The following ABLIM3 variants were observed in gnomAD, a reference collection of about 807,000 sequenced individuals.
ABLIM3 encodes actin-binding LIM protein 3.
A neutral mutation model predicts 109.5 loss-of-function variants in ABLIM3; 61 were observed. The ratio of observed to expected loss-of-function variants is 0.56; its 90% CI spans 0.45 to 0.69. The LOEUF (loss-of-function observed/expected upper bound fraction) is 0.69. Among genes scored for constraint, ABLIM3 ranks in the 30% least tolerant of loss-of-function variants. The pLI, the probability that ABLIM3 is intolerant of heterozygous loss-of-function variation, is 0.00. For synonymous variants in ABLIM3, 300 were observed against 324.8 expected (o/e 0.92, Z 0.82); for missense variants, 796 against 889.5 (o/e 0.89, Z 1.34).
At chr5:149,157,867 CAA>C (rs1441181536) in intron 2 of ABLIM3, among the ~76,000 whole-genome samples, 1 of 152,182 alleles carries the variant, frequency 6.6e-6, no homozygotes, top group African/African-American at 2.4e-5. Flanking sequence ...CAAGAACCAA[CAA>C]ACTCTCTTTT....
At chr5:149,155,182 GCTC>G (rs1753772213) in intron 2 of ABLIM3, among the ~76,000 whole-genome samples, 1 of 152,158 alleles carries the variant, frequency 6.6e-6, no homozygotes, top group Non-Finnish European at 1.5e-5. Flanking sequence ...CCTCCTCCCT[GCTC>G]CTCCTTTTTA....
intron 9 of ABLIM3, among the ~76,000 whole-genome samples, chr5:149,231,436 G>A (rs1030969176): frequency 6.6e-6 from 1 of 152,136 alleles, no homozygotes; most frequent in Non-Finnish European, 1.5e-5. Flanking sequence ...ATGGGGAATG[G>A]GGCCTTTACA....
rs1401146462 is a variant in ABLIM3 at position 149,247,884 on chromosome 5, C to T, written c.1654C>T (p.Arg552Trp). ...CCCTCCCCGGAGCTCCACCAGCAGC[C>T]GGGAAGCCCTGCACACAGCTGGCTA... ...WTPPRSSTSS[R>W]EALHTAGYEM... Residue 552 changes from arginine (R) to tryptophan (W), a missense_variant, in exon 18 of 24, where the codon CGG (arginine) becomes TGG (tryptophan). By Grantham distance (101) the Arg-to-Trp change is moderately radical (BLOSUM62 -3). Transcript: ENST00000309868. The T allele has an allele frequency of 1.9e-6, 3 of 1,614,212 alleles. No individual in the cohort carries two copies. The highest frequency in any genetic ancestry group is 1.7e-4 in the Middle Eastern group (1 of 6,060).
At chr5:149,255,445 AAAAT>A (rs1754344921) in intron 23 of ABLIM3, among the ~76,000 whole-genome samples, 2 of 152,254 alleles carry the variant, frequency 1.3e-5, no homozygotes, top group Non-Finnish European at 2.9e-5. Flanking sequence ...ACACAAAGAA[AAAAT>A]AAATGACACC....
At chr5:149,168,915 G>A (rs1337576660) in intron 2 of ABLIM3, among the ~76,000 whole-genome samples, 2 of 152,140 alleles carry the variant, frequency 1.3e-5, no homozygotes, top group Non-Finnish European at 2.9e-5. Context: ...AAAATGTAAA[G>A]CCCAATTCAG....
chr5:149,226,841 C>T (rs1269909444), intron 8 of ABLIM3, among the ~76,000 whole-genome samples: 1 of 152,038 alleles, frequency 6.6e-6, no homozygotes, highest in African/African-American at 2.4e-5. Flanking sequence ...GAGGCCGAGG[C>T]GGGCAGATCA....
intron 3 of ABLIM3, among the ~76,000 whole-genome samples, chr5:149,192,755 C>G (rs1356034624): frequency 1.3e-5 from 2 of 152,008 alleles, no homozygotes; most frequent in Non-Finnish European, 2.9e-5. Flanking sequence ...CATCAATAGC[C>G]ATTTCTACTC....
At chr5:149,189,993 A>T (rs1335377859) in intron 3 of ABLIM3, among the ~76,000 whole-genome samples, 1 of 152,252 alleles carries the variant, frequency 6.6e-6, no homozygotes, top group Non-Finnish European at 1.5e-5. Context: ...TGGATAAATA[A>T]AATGTGATCT....
intron 3 of ABLIM3, among the ~76,000 whole-genome samples, chr5:149,194,822 A>T (rs1441266023): frequency 6.6e-6 from 1 of 152,230 alleles, no homozygotes; most frequent in Non-Finnish European, 1.5e-5. Context: ...GGTATGGGAC[A>T]GAGGTGCTCT....
At chr5:149,208,984 T>G (rs529109730) in intron 6 of ABLIM3, among the ~76,000 whole-genome samples, 1 of 152,290 alleles carries the variant, frequency 6.6e-6, no homozygotes, top group South Asian at 2.1e-4. Flanking sequence ...GCCAGGGCAG[T>G]AGGGGAGTGT....
At chr5:149,193,119 G>C (rs756096126) in intron 3 of ABLIM3, among the ~76,000 whole-genome samples, 7 of 152,136 alleles carry the variant, frequency 4.6e-5, no homozygotes, top group Non-Finnish European at 8.8e-5. Context: ...AAGAAAAAAA[G>C]GATGGGATAA....
At position 149,183,507 on chromosome 5, in the gene ABLIM3, C is replaced by T; in HGVS notation, c.69C>T (p.Cys23=). The T allele has an allele frequency of 6.3e-7, 1 of 1,599,806 alleles. No individual in the cohort carries two copies. Among genetic ancestry groups the T allele is most frequent in the Admixed American group, 1.7e-5 (1 of 57,836 alleles). Residue 23 remains cysteine, a synonymous_variant, in exon 3 of 24, where the codon TGC becomes TGT. Transcript: ENST00000309868. ...NPRGSSNVIQ[C]YRCGDTCKGE... is the part of the protein sequence containing the mutation. ...GGGGCAGCTCCAATGTCATCCAGTGCTACCGCTGTGGAGACACCTGCAAAG... is the reference window on the plus strand; with the variant it reads ...GGGGCAGCTCCAATGTCATCCAGTGTTACCGCTGTGGAGACACCTGCAAAG...
At chr5:149,239,447 A>G (rs1752569155) in intron 12 of ABLIM3, among the ~76,000 whole-genome samples, 170 bp downstream of exon 12, 1 of 152,164 alleles carries the variant, frequency 6.6e-6, no homozygotes, top group Non-Finnish European at 1.5e-5. Context: ...TGGTAGTGGC[A>G]TACAGGATGG....
At chr5:149,238,952 G>T (rs573317769) in intron 11 of ABLIM3, among the ~76,000 whole-genome samples, 1 of 152,188 alleles carries the variant, frequency 6.6e-6, no homozygotes, top group Non-Finnish European at 1.5e-5. Context: ...CAGAAGCCTG[G>T]GTCCAAGTCA....
intron 3 of ABLIM3, among the ~76,000 whole-genome samples, chr5:149,184,899 G>T (rs1035007686): frequency 1.3e-5 from 2 of 152,156 alleles, no homozygotes; most frequent in East Asian, 3.8e-4. Context: ...TTTGTTTATA[G>T]ATGCATATAC....
intron 8 of ABLIM3, chr5:149,218,968 A>G (rs10041123): frequency 0.063 from 9,559 of 152,408 alleles, 923 homozygotes; most frequent in African/African-American, 0.21. Context: ...TTGGATAGCC[A>G]TCTTGAGAAG....
chr5:149,258,134 C>T (rs1043795383), intron 23 of ABLIM3, among the ~76,000 whole-genome samples, 157 bp from the exon 24 acceptor site: 1 of 152,206 alleles, frequency 6.6e-6, no homozygotes, highest in Non-Finnish European at 1.5e-5. Context: ...AACAAATATT[C>T]ATCACACATT....
intron 8 of ABLIM3, 64 bp from the exon 9 acceptor site, chr5:149,230,585 G>A: frequency 1.3e-6 from 2 of 1,549,514 alleles, no homozygotes; most frequent in Non-Finnish European, 8.9e-7. Flanking sequence ...ATCAAGGTGG[G>A]ACATGGGGAG....
At chr5:149,218,291 A>C (rs1760298501) in intron 8 of ABLIM3, 1 of 152,390 alleles carries the variant, frequency 6.6e-6, no homozygotes, top group East Asian at 1.9e-4. Context: ...GTGTCTCCAC[A>C]TGGTGGAAGG....
Sources: gnomAD v4.1 joint callset for allele counts (sites outside exome capture counted in the v4.1 genomes callset) on GRCh38, gnomAD v4.1.1 for gene constraint, MANE v1.5 for transcripts, NCBI Gene and HGNC (gene_info 2026-07-23, HGNC 2026-07-21) for gene names.